The following NKAIN2 variants were observed in gnomAD, a reference collection of about 807,000 sequenced individuals.
NKAIN2 encodes sodium/potassium transporting ATPase interacting 2.
Under a neutral mutation model 32.6 loss-of-function variants are expected in NKAIN2, and 14 were observed. That is an observed-to-expected ratio of 0.43 (90% confidence interval 0.28 to 0.67). NKAIN2 has a LOEUF of 0.67. NKAIN2 is among the 30% of genes least tolerant of loss of function. The pLI is 0.17. For missense variants in NKAIN2, 198 were observed against 258.3 expected, an observed-to-expected ratio of 0.77 and a Z score of 1.60; for synonymous variants, 80 against 87.2, an observed-to-expected ratio of 0.92 and a Z score of 0.46.
intron 1 of NKAIN2, among the ~76,000 whole-genome samples, chr6:123,966,070 G>T (rs1400672151): frequency 6.6e-6 from 1 of 152,108 alleles, no homozygotes; most frequent in African/African-American, 2.4e-5. Flanking sequence ...ACTGGACAGG[G>T]TCCATAAAAA....
chr6:124,609,830 C>T (rs1003556860), intron 3 of NKAIN2, among the ~76,000 whole-genome samples: 1 of 152,144 alleles, frequency 6.6e-6, no homozygotes, highest in African/African-American at 2.4e-5. Flanking sequence ...ACGCCGGGGC[C>T]AGACTGCCTG....
At chr6:123,977,157 G>A (rs1778682561) in intron 1 of NKAIN2, among the ~76,000 whole-genome samples, 2 of 152,112 alleles carry the variant, frequency 1.3e-5, no homozygotes, top group South Asian at 4.1e-4. Context: ...TTAATTTTTT[G>A]TAGAGACAGC....
At chr6:123,829,863 C>T (rs62436624) in intron 1 of NKAIN2, among the ~76,000 whole-genome samples, 7,638 of 152,178 alleles carry the variant, frequency 0.05, 233 homozygotes, top group South Asian at 0.086. Context: ...ACCAGTAAAC[C>T]CTGGCCTTCT....
chr6:124,741,779 C>CT, intron 4 of NKAIN2, among the ~76,000 whole-genome samples: 1 of 151,910 alleles, frequency 6.6e-6, no homozygotes. Flanking sequence ...GTCTTTTGGT[C>CT]TTTTTTATTA....
chr6:124,202,282 C>A (rs935031001), intron 1 of NKAIN2, among the ~76,000 whole-genome samples: 1 of 151,964 alleles, frequency 6.6e-6, no homozygotes, highest in Non-Finnish European at 1.5e-5. Context: ...CATATCAGCT[C>A]TGCTGTGAAG....
At chr6:123,911,762 G>A (rs1321926389) in intron 1 of NKAIN2, among the ~76,000 whole-genome samples, 1 of 113,300 alleles carries the variant, frequency 8.8e-6, no homozygotes, top group South Asian at 3.1e-4. Flanking sequence ...ATATAAAATA[G>A]TCGTATATAT....
intron 2 of NKAIN2, among the ~76,000 whole-genome samples, chr6:124,313,149 T>C (rs777078410): frequency 1.3e-5 from 2 of 152,124 alleles, no homozygotes; most frequent in African/African-American, 4.8e-5. Context: ...CTAAACTCTT[T>C]AGTAAACAGA....
Position 124,726,689 on chromosome 6 carries a change from G to A in NKAIN2, c.475-64650G>A, listed in dbSNP as rs577335296. Reference sequence around the variant, plus strand: ...AGGAACGCAGTTCCTCACCAGCAATGGAACAAAGCTGGATGGAGAATGACT... The same window carrying A: ...AGGAACGCAGTTCCTCACCAGCAATAGAACAAAGCTGGATGGAGAATGACT... On this transcript the variant is annotated intron_variant, in intron 4 of 6. Transcript: ENST00000368417. Among the ~76,000 whole-genome samples, 127 of 144,548 alleles carry A rather than the reference G, an allele frequency of 8.8e-4. 1 individual carries two copies. Among genetic ancestry groups the A allele is most frequent in the African/African-American group, 2.8e-3 (109 of 38,866 alleles). The allele number at this position is 144,548 out of a possible 152,430, so 94.8% of individuals were successfully genotyped here. A position where few individuals can be genotyped will look rare whatever the true frequency, so the allele number is the denominator to read the frequency against.
chr6:124,404,597 A>G (rs1220408408), intron 3 of NKAIN2, among the ~76,000 whole-genome samples: 1 of 151,944 alleles, frequency 6.6e-6, no homozygotes, highest in East Asian at 1.9e-4. Flanking sequence ...CTAGTTCACT[A>G]TTACTGGAAG....
At chr6:124,076,090 G>T (rs766794802) in intron 1 of NKAIN2, among the ~76,000 whole-genome samples, 1 of 152,164 alleles carries the variant, frequency 6.6e-6, no homozygotes, top group African/African-American at 2.4e-5. Context: ...TGGTCTCTCT[G>T]TAAGTCCCAG....
At chr6:123,922,555 C>G (rs149992514) in intron 1 of NKAIN2, among the ~76,000 whole-genome samples, 2,025 of 152,144 alleles carry the variant, frequency 0.013, 27 homozygotes, top group Middle Eastern at 0.031. Flanking sequence ...TCTAGCATTT[C>G]CCTGTATATA....
intron 1 of NKAIN2, among the ~76,000 whole-genome samples, chr6:123,934,813 G>A (rs1209334162): frequency 6.6e-6 from 1 of 151,850 alleles, no homozygotes; most frequent in Non-Finnish European, 1.5e-5. Context: ...AATAAAATTA[G>A]TAAAATTCAT....
chr6:123,956,911 A>G (rs981349433), intron 1 of NKAIN2, among the ~76,000 whole-genome samples: 2 of 152,224 alleles, frequency 1.3e-5, no homozygotes, highest in Non-Finnish European at 2.9e-5. Flanking sequence ...TTCTGTACAA[A>G]ATCAATTATT....
intron 3 of NKAIN2, among the ~76,000 whole-genome samples, chr6:124,493,708 C>A (rs370951719): frequency 7.0e-4 from 78 of 112,174 alleles, no homozygotes; most frequent in Middle Eastern, 4.2e-3. Context: ...GCACACCAAC[C>A]CCCCCCTCCA....
At chr6:124,703,120 G>T (rs905799902) in intron 4 of NKAIN2, among the ~76,000 whole-genome samples, 1 of 151,984 alleles carries the variant, frequency 6.6e-6, no homozygotes, top group South Asian at 2.1e-4. Flanking sequence ...TGTCAGCAAA[G>T]TCATAAACCT....
At chr6:124,389,922 G>T (rs9491153) in intron 3 of NKAIN2, among the ~76,000 whole-genome samples, 5 of 151,890 alleles carry the variant, frequency 3.3e-5, no homozygotes, top group African/African-American at 1.2e-4. Context: ...GATATTGCTT[G>T]TTGAAGAGGG....
At chr6:124,049,696 C>T (rs1782317306) in intron 1 of NKAIN2, among the ~76,000 whole-genome samples, 1 of 152,036 alleles carries the variant, frequency 6.6e-6, no homozygotes, top group African/African-American at 2.4e-5. Context: ...CTCCATCCCA[C>T]CTGGAACATG....
In NKAIN2 at chr6:124,041,925, A is replaced by G. The variant is rs570960843; in HGVS notation, c.54+237671A>G. ...TGGTTCTGAAATCTTAGTTGCTTAA[A>G]TCATTTGCAAGAAGAAACAAGGTGT... On this transcript the variant is annotated intron_variant, in intron 1 of 6. Transcript: ENST00000368417. Among the ~76,000 whole-genome samples, 21 of 152,212 alleles carry G rather than the reference A, an allele frequency of 1.4e-4. No homozygotes were observed. In the South Asian group the frequency reaches 3.9e-3, roughly 29 times the overall value.
chr6:124,184,083 T>A (rs186732443), intron 1 of NKAIN2, among the ~76,000 whole-genome samples: 268 of 152,264 alleles, frequency 1.8e-3, no homozygotes, highest in Admixed American at 3.4e-3. Context: ...CATTGTCTCT[T>A]ATCTTTTAAT....
Sources: allele counts gnomAD v4.1 joint callset (sites outside exome capture counted in the v4.1 genomes callset), GRCh38; gene constraint gnomAD v4.1.1; transcripts MANE v1.5; gene names NCBI Gene and HGNC (gene_info 2026-07-23, HGNC 2026-07-21).